LGR4: variants seen among roughly 807,000 people sequenced by gnomAD.
LGR4 encodes leucine rich repeat containing G protein-coupled receptor 4, also known as leucine-rich repeat-containing G protein-coupled receptor 4.
LGR4 carries 44 observed loss-of-function variants against 84.8 expected under a neutral mutation model. The observed-to-expected ratio is 0.52, with a 90% confidence interval of 0.41 to 0.67. The LOEUF (loss-of-function observed/expected upper bound fraction) is 0.67, where lower values mean the gene tolerates loss of function less well. Ranked by LOEUF, LGR4 falls within the 30% of genes least tolerant of loss-of-function variation. The pLI, the probability that LGR4 is intolerant of heterozygous loss-of-function variation, is 0.00. For synonymous variants in LGR4, 429 were observed against 434.3 expected (o/e 0.99, Z 0.15); for missense variants, 1,032 against 1,131.4 (o/e 0.91, Z 1.26).
At chr11:27,379,468 C>T (rs1010418249) in intron 10 of LGR4, among the ~76,000 whole-genome samples, 2 of 152,202 alleles carry the variant, frequency 1.3e-5, no homozygotes, top group Non-Finnish European at 2.9e-5. Flanking sequence ...ACATTACCTG[C>T]TTAAACATTC....
chr11:27,380,119 A>G, intron 10 of LGR4, 152 bp downstream of exon 10: 1 of 505,676 alleles, frequency 2.0e-6, no homozygotes, highest in Non-Finnish European at 3.6e-6. Flanking sequence ...CTGACCCCAT[A>G]CCCAATATAT....
intron 2 of LGR4, among the ~76,000 whole-genome samples, chr11:27,410,821 G>A (rs921135672): frequency 6.6e-6 from 1 of 152,054 alleles, no homozygotes; most frequent in African/African-American, 2.4e-5. Flanking sequence ...ACTATGATAG[G>A]AGAATATGGA....
At chr11:27,384,299 A>G in intron 6 of LGR4, 37 bp downstream of exon 6, 1 of 1,321,224 alleles carries the variant, frequency 7.6e-7, no homozygotes, top group South Asian at 1.2e-5. Flanking sequence ...TACTTTCAAT[A>G]TCACAATGCA....
rs764163195 is a variant in LGR4, at chr11:27,373,685, T to C, written c.1254-9A>G. On this transcript the variant is annotated splice_polypyrimidine_tract_variant and intron_variant, in intron 14 of 17. Coordinates refer to ENST00000379214, the MANE Select transcript of LGR4 (RefSeq NM_018490.5). ...CATTGAAACTTACATCTCTAAAATATGAATGAGACTTCAAGTTAATGCCCA... is the reference window on the plus strand; with the variant it reads ...CATTGAAACTTACATCTCTAAAATACGAATGAGACTTCAAGTTAATGCCCA... 10 of 1,560,850 alleles carry C rather than the reference T, an allele frequency of 6.4e-6. No individual in the cohort carries two copies. The Admixed American group carries it at 1.7e-4, about 27-fold the overall frequency.
intron 1 of LGR4, among the ~76,000 whole-genome samples, chr11:27,470,644 T>TGAACAAACTTTCCCACTTA: frequency 6.6e-6 from 1 of 151,742 alleles, no homozygotes; most frequent in South Asian, 2.1e-4. Flanking sequence ...AATGTAACTT[T>TGAACAAACTTTCCCACTTA]ATGAACAAAA....
At position 27,472,332 on chromosome 11, in the gene LGR4, C is replaced by G. The variant is rs11541599; in HGVS notation, c.-30G>C. The G allele has an allele frequency of 0.21, 247,745 of 1,193,966 alleles. 26,498 individuals carry two copies. Among genetic ancestry groups the G allele is most frequent in the African/African-American group, 0.31 (19,400 of 62,744 alleles). 74.0% of individuals were successfully genotyped at this position (1,193,966 alleles called of 1,614,324 possible). ...GCGGCCGCCTCCCGCGCCGGCCTCT[C>G]CCGCGGCGCTGCTCGCTCCGCTGCC... On this transcript the variant is annotated 5_prime_UTR_variant, in exon 1 of 18. Transcript: ENST00000379214.
chr11:27,426,801 A>G (rs541438953), intron 1 of LGR4, among the ~76,000 whole-genome samples: 1 of 152,240 alleles, frequency 6.6e-6, no homozygotes, highest in Non-Finnish European at 1.5e-5. Context: ...TATCAAGATC[A>G]GACTCCAAAT....
intron 2 of LGR4, among the ~76,000 whole-genome samples, chr11:27,405,473 C>T (rs757970515): frequency 1.3e-5 from 2 of 152,110 alleles, no homozygotes; most frequent in Non-Finnish European, 1.5e-5. Flanking sequence ...TCTATACCCA[C>T]GATACACTAT....
At chr11:27,446,970 G>C (rs1020628256) in intron 1 of LGR4, among the ~76,000 whole-genome samples, 5 of 151,694 alleles carry the variant, frequency 3.3e-5, no homozygotes, top group African/African-American at 1.2e-4. Context: ...TCACTCATAG[G>C]TGGGAACTGA....
chr11:27,391,238 T>A (rs1187763717), intron 3 of LGR4, 73 bp from the exon 4 acceptor site: 51 of 60,070 alleles, frequency 8.5e-4, no homozygotes, highest in Admixed American at 6.2e-3. Context: ...TCAGAGCCTT[T>A]TTTTTTTTTT....
rs181816353 is a variant in LGR4, at chr11:27,371,958, C to G, written c.1496-260G>C. Among the ~76,000 whole-genome samples the G allele has an allele frequency of 2.1e-3, 319 of 152,196 alleles. 4 individuals are homozygous for G. Among genetic ancestry groups the G allele is most frequent in the African/African-American group, 7.4e-3 (307 of 41,532 alleles). Reference sequence around the variant, plus strand: ...CACTGCAACCTTGAACTCCTGGGCTCCGCTCAAAGGATTCTCCCACCTCAG... The same window carrying G: ...CACTGCAACCTTGAACTCCTGGGCTGCGCTCAAAGGATTCTCCCACCTCAG... On this transcript the variant is annotated intron_variant, in intron 16 of 17. Transcript: ENST00000379214.
At position 27,371,647 on chromosome 11, in the gene LGR4, C is replaced by T. The variant is rs1178165436; in HGVS notation, c.1547G>A (p.Ser516Asn). The T allele has an allele frequency of 1.2e-6, 2 of 1,613,332 alleles. No homozygotes were observed. The highest frequency in any genetic ancestry group is 2.2e-5 in the South Asian group (2 of 90,920). The change falls in exon 17 of 18, where the codon AGT (serine) becomes AAT (asparagine). Residue 516 changes from serine to asparagine, a missense_variant. Ser to Asn is a conservative substitution (Grantham distance 46). Coordinates refer to ENST00000379214, the MANE Select transcript of LGR4 (RefSeq NM_018490.5). ...VTSTLENEEHSQIIIHCTPST... is the reference protein window; with the variant it reads ...VTSTLENEEHNQIIIHCTPST... The stretch of plus-strand genomic sequence containing the variant: ...AGGTGTACAATGGATAATTATTTGA[C>T]TATGTTCTTCATTTTCAAGAGTGCT...
At chr11:27,415,131 C>T (rs1036815657) in intron 1 of LGR4, among the ~76,000 whole-genome samples, 7 of 152,084 alleles carry the variant, frequency 4.6e-5, no homozygotes, top group South Asian at 4.1e-4. Flanking sequence ...TTAATCATAT[C>T]GAAAGCAAAA....
chr11:27,411,282 G>C (rs868018943), intron 2 of LGR4, among the ~76,000 whole-genome samples: 39 of 152,052 alleles, frequency 2.6e-4, no homozygotes, highest in Middle Eastern at 6.8e-3. Context: ...CTTCATAAAG[G>C]GGGTGGAGGT....
chr11:27,418,993 C>T (rs1156945406), intron 1 of LGR4, among the ~76,000 whole-genome samples: 4 of 152,046 alleles, frequency 2.6e-5, no homozygotes, highest in Admixed American at 6.6e-5. Context: ...CACCACCTTA[C>T]TTGGCTAATT....
At chr11:27,375,310 A>AG (rs1158236864) in intron 13 of LGR4, among the ~76,000 whole-genome samples, 2 of 151,418 alleles carry the variant, frequency 1.3e-5, no homozygotes, top group African/African-American at 4.9e-5. Flanking sequence ...AAAAAAAAAA[A>AG]AAAGAAAAAG....
At chr11:27,387,534 A>T (rs959861377) in intron 4 of LGR4, among the ~76,000 whole-genome samples, 1 of 152,166 alleles carries the variant, frequency 6.6e-6, no homozygotes, top group Non-Finnish European at 1.5e-5. Context: ...GGAAAGAGCC[A>T]CGTCAGAGAC....
rs764369210 is a variant in LGR4 at position 27,463,789 on chromosome 11, AAAAAC to A, written c.185+8324_185+8328del. Among the ~76,000 whole-genome samples the A allele has an allele frequency of 2.6e-5, 4 of 152,346 alleles. No homozygotes were observed. In the East Asian group the frequency reaches 7.7e-4, roughly 29 times the overall value. On this transcript the variant is annotated intron_variant, in intron 1 of 17. Coordinates refer to ENST00000379214, the MANE Select transcript of LGR4 (RefSeq NM_018490.5). Reference sequence around the variant, plus strand: ...CAACAAGAGTGAAACTCCATCTCAAAAAAACAAAACAAAACAAAAAAAATGACAGA... The same window carrying A: ...CAACAAGAGTGAAACTCCATCTCAAAAAAACAAAACAAAAAAAATGACAGA...
chr11:27,381,012 C>A, intron 7 of LGR4, 46 bp from the exon 8 acceptor site: 2 of 1,013,944 alleles, frequency 2.0e-6, no homozygotes, highest in South Asian at 1.3e-5. Context: ...TATCCTCTTG[C>A]GAAATAAAAC....
Sources: gnomAD v4.1 joint callset for allele counts (sites outside exome capture counted in the v4.1 genomes callset) on GRCh38, gnomAD v4.1.1 for gene constraint, MANE v1.5 for transcripts, NCBI Gene and HGNC (gene_info 2026-07-23, HGNC 2026-07-21) for gene names.